DAGLA: variants seen among roughly 807,000 people sequenced by gnomAD.
DAGLA encodes the protein diacylglycerol lipase alpha, also known as diacylglycerol lipase-alpha.
In DAGLA, 22 loss-of-function variants were observed where a neutral mutation model predicts 102.6. The observed-to-expected ratio is 0.21, with a 90% CI of 0.15 to 0.31. The LOEUF is 0.31. DAGLA is among the 10% of genes least tolerant of loss of function. The pLI, the probability that DAGLA is intolerant of heterozygous loss-of-function variation, is 1.00. For synonymous variants in DAGLA, 578 were observed against 628.9 expected, an observed-to-expected ratio of 0.92 and a Z score of 1.21; for missense variants, 927 against 1,446.6, an observed-to-expected ratio of 0.64 and a Z score of 5.83.
intron 1 of DAGLA, among the ~76,000 whole-genome samples, chr11:61,694,991 C>T (rs368356552): frequency 6.6e-6 from 1 of 152,186 alleles, no homozygotes; most frequent in Non-Finnish European, 1.5e-5. Context: ...TGGGGAGCAC[C>T]AAGCACCTGT....
chr11:61,682,158 G>C (rs568655752), intron 1 of DAGLA, among the ~76,000 whole-genome samples: 1 of 152,184 alleles, frequency 6.6e-6, no homozygotes, highest in East Asian at 1.9e-4. Context: ...TCCAGTGTTG[G>C]CTGTGTGACC....
rs2064971938 is a variant in DAGLA at position 61,684,651 on chromosome 11, A to G, written c.-45+4147A>G. On this transcript the variant is annotated intron_variant, in intron 1 of 19. Transcript: ENST00000257215. This position sits in a 1 kb window ranked among gnomAD's most constrained non-coding sequence, Gnocchi z 4.5. ...GAACGCCTAAGTCCTCTAGATGGGGATGGGGCTGTTATTACCGCGGGGCTG... is the reference window on the plus strand; with the variant it reads ...GAACGCCTAAGTCCTCTAGATGGGGGTGGGGCTGTTATTACCGCGGGGCTG... Among the ~76,000 whole-genome samples, 1 of 151,990 alleles carries G rather than the reference A, an allele frequency of 6.6e-6. No individual in the cohort carries two copies. Among genetic ancestry groups the G allele is most frequent in the Non-Finnish European group, 1.5e-5 (1 of 67,996 alleles).
At chr11:61,703,005 A>G (rs2065120688) in intron 1 of DAGLA, among the ~76,000 whole-genome samples, 2 of 152,186 alleles carry the variant, frequency 1.3e-5, no homozygotes, top group South Asian at 4.1e-4. Context: ...TTTGGATCCC[A>G]GGCATGGCCA....
chr11:61,693,844 G>A (rs914272738), intron 1 of DAGLA, among the ~76,000 whole-genome samples: 5 of 152,166 alleles, frequency 3.3e-5, no homozygotes, highest in Admixed American at 6.5e-5. Context: ...CGCTTCTCCC[G>A]CTTTCTTACT....
chr11:61,713,733 T>G (rs1565253814), intron 1 of DAGLA, among the ~76,000 whole-genome samples: 1 of 152,152 alleles, frequency 6.6e-6, no homozygotes, highest in Non-Finnish European at 1.5e-5. Flanking sequence ...ACGCCTCTGC[T>G]GGGGGGCGGG....
Position 61,737,672 on chromosome 11 carries a change from C to T in DAGLA, c.1515-15C>T, listed in dbSNP as rs77155818. 8.1e-5 allele frequency: 130 copies of T among 1,613,306 alleles called. No homozygotes were observed. The highest frequency in any genetic ancestry group is 2.0e-4 in the East Asian group (9 of 44,880). ...GCCCCCTTGGCCTTAGCTTCTGCTT[C>T]GGCTTCCCTTGCAGTGAGGATGCGA... On this transcript the variant is annotated splice_polypyrimidine_tract_variant and intron_variant, in intron 14 of 19. Coordinates refer to ENST00000257215, the MANE Select transcript of DAGLA (RefSeq NM_006133.3).
chr11:61,691,821 G>A (rs1028370914), intron 1 of DAGLA, among the ~76,000 whole-genome samples: 1 of 152,214 alleles, frequency 6.6e-6, no homozygotes, highest in Non-Finnish European at 1.5e-5. Context: ...GTAGTCTTGA[G>A]TCCTTAACCA....
chr11:61,711,809 G>T (rs1484911115), intron 1 of DAGLA, among the ~76,000 whole-genome samples: 1 of 152,226 alleles, frequency 6.6e-6, no homozygotes, highest in African/African-American at 2.4e-5. Context: ...TGGAGCACAG[G>T]CCCTGCAACC....
chr11:61,736,587 G>A (rs1412633694), intron 13 of DAGLA, among the ~76,000 whole-genome samples: 3 of 152,248 alleles, frequency 2.0e-5, no homozygotes, highest in African/African-American at 4.8e-5. Flanking sequence ...GACACTAGAG[G>A]CACAAAGATG....
chr11:61,711,332 G>A (rs2065192861), intron 1 of DAGLA, among the ~76,000 whole-genome samples: 1 of 152,236 alleles, frequency 6.6e-6, no homozygotes, highest in Admixed American at 6.5e-5. Context: ...GGATGTGGAC[G>A]TGTGGGACAA....
At chr11:61,715,996 C>T (rs574973933) in intron 1 of DAGLA, among the ~76,000 whole-genome samples, 1 of 152,266 alleles carries the variant, frequency 6.6e-6, no homozygotes, top group South Asian at 2.1e-4. Flanking sequence ...GGGTGGGAAC[C>T]CAGCCTGACA....
At chr11:61,680,738 G>A (rs1266270091) in intron 1 of DAGLA, among the ~76,000 whole-genome samples, 1 of 152,008 alleles carries the variant, frequency 6.6e-6, no homozygotes, top group African/African-American at 2.4e-5. Context: ...CGGCACAGGC[G>A]GCGTGGTTTT....
At chr11:61,719,084 A>G (rs2065261224) in intron 1 of DAGLA, among the ~76,000 whole-genome samples, 1 of 152,208 alleles carries the variant, frequency 6.6e-6, no homozygotes, top group Non-Finnish European at 1.5e-5. Context: ...TTTAGTGCAG[A>G]GCTACCCTGG....
intron 1 of DAGLA, among the ~76,000 whole-genome samples, chr11:61,691,515 C>A (rs958384136): frequency 1.3e-5 from 2 of 152,242 alleles, no homozygotes; most frequent in Non-Finnish European, 2.9e-5. Context: ...GTCTGCAGAG[C>A]CTGCAGCCTT....
chr11:61,706,088 G>A (rs1391843116), intron 1 of DAGLA, among the ~76,000 whole-genome samples: 2 of 152,228 alleles, frequency 1.3e-5, no homozygotes, highest in Admixed American at 1.3e-4. Context: ...AGCAACTGCA[G>A]AACAGTCTAA....
At chr11:61,729,303 T>TTGCTGC (rs2065355904) in intron 8 of DAGLA, among the ~76,000 whole-genome samples, 1 of 152,246 alleles carries the variant, frequency 6.6e-6, no homozygotes, top group Non-Finnish European at 1.5e-5. Flanking sequence ...GCTAGCATTT[T>TTGCTGC]TGCTGCTGCT....
intron 1 of DAGLA, among the ~76,000 whole-genome samples, chr11:61,713,721 C>T (rs2135573571): frequency 6.6e-6 from 1 of 152,356 alleles, no homozygotes; most frequent in Middle Eastern, 3.4e-3. Context: ...CCTCTGAACA[C>T]AACGCCTCTG....
rs570860037 is a variant in DAGLA at position 61,705,038 on chromosome 11, G to C, written c.-44-15074G>C. ...TCGGGACTGGGCTGAGCTGAGACTG[G>C]GGGGAGGGGGAGGACACAGACTTCA... On this transcript the variant is annotated intron_variant, in intron 1 of 19. Transcript: ENST00000257215. Among the ~76,000 whole-genome samples, 52 of 152,234 alleles carry C rather than the reference G, an allele frequency of 3.4e-4. 1 individual carries two copies. In the East Asian group the frequency reaches 5.6e-3, roughly 16 times the overall value.
At chr11:61,706,007 C>T (rs2065146339) in intron 1 of DAGLA, among the ~76,000 whole-genome samples, 1 of 152,188 alleles carries the variant, frequency 6.6e-6, no homozygotes, top group Admixed American at 6.5e-5. Flanking sequence ...TCTGGGATCT[C>T]TGGAGGAGGG....
Sources: gnomAD v4.1 joint callset for allele counts (sites outside exome capture counted in the v4.1 genomes callset) on GRCh38, gnomAD v4.1.1 for gene constraint, Gnocchi (gnomAD v3.1) non-coding constraint, MANE v1.5 for transcripts, NCBI Gene and HGNC (gene_info 2026-07-23, HGNC 2026-07-21) for gene names.